The following MAP7 variants were observed in gnomAD, a reference collection of about 807,000 sequenced individuals.
The protein encoded by MAP7 is ensconsin.
A neutral mutation model predicts 94.8 loss-of-function variants in MAP7; 52 were observed. That is an observed-to-expected ratio of 0.55 (90% CI 0.44 to 0.69). The LOEUF is 0.69. MAP7 is among the 30% of genes least tolerant of loss of function. The pLI, the probability that MAP7 is intolerant of heterozygous loss-of-function variation, is 0.00. For synonymous variants in MAP7, 350 were observed against 357.0 expected, an observed-to-expected ratio of 0.98 and a Z score of 0.22; for missense variants, 940 against 964.6, an observed-to-expected ratio of 0.97 and a Z score of 0.34.
chr6:136,394,609 T>C (rs1357350064), intron 3 of MAP7, among the ~76,000 whole-genome samples: 1 of 152,006 alleles, frequency 6.6e-6, no homozygotes, highest in Non-Finnish European at 1.5e-5. Flanking sequence ...AGATATATCA[T>C]ATATGTAATA....
intron 1 of MAP7, among the ~76,000 whole-genome samples, chr6:136,458,931 C>T (rs1243132770): frequency 1.3e-5 from 2 of 151,932 alleles, no homozygotes; most frequent in East Asian, 3.8e-4. Flanking sequence ...GGCTTCTGCA[C>T]AGCAAAGAAA....
At chr6:136,459,513 T>C (rs1352197450) in intron 1 of MAP7, among the ~76,000 whole-genome samples, 1 of 152,170 alleles carries the variant, frequency 6.6e-6, no homozygotes, top group Non-Finnish European at 1.5e-5. Flanking sequence ...AAATTAATTG[T>C]TCATCTACAA....
intron 1 of MAP7, among the ~76,000 whole-genome samples, chr6:136,461,217 C>T (rs1052973788): frequency 3.9e-5 from 6 of 152,124 alleles, no homozygotes; most frequent in African/African-American, 1.2e-4. Context: ...AAAGAAACAG[C>T]TTTTGCTTAG....
intron 1 of MAP7, among the ~76,000 whole-genome samples, chr6:136,490,071 CA>C (rs1816094948): frequency 6.6e-6 from 1 of 152,144 alleles, no homozygotes; most frequent in Admixed American, 6.5e-5. Context: ...TGAAAAGTCA[CA>C]ATGAAATGCT....
At chr6:136,448,075 C>T (rs1236358991) in intron 1 of MAP7, among the ~76,000 whole-genome samples, 14 of 152,156 alleles carry the variant, frequency 9.2e-5, no homozygotes. Context: ...GCCTGTAATC[C>T]CAGCTATTTA....
chr6:136,504,899 CA>C (rs1453331829), intron 1 of MAP7, among the ~76,000 whole-genome samples: 5 of 150,782 alleles, frequency 3.3e-5, no homozygotes, highest in African/African-American at 1.2e-4. Flanking sequence ...AGTCTGGTCT[CA>C]AAATACTGAC....
intron 7 of MAP7, among the ~76,000 whole-genome samples, chr6:136,377,170 C>T (rs139828039): frequency 6.6e-6 from 1 of 152,298 alleles, no homozygotes; most frequent in African/African-American, 2.4e-5. Context: ...TATAACCAAT[C>T]ATCATAACTG....
intron 1 of MAP7, among the ~76,000 whole-genome samples, chr6:136,462,472 CTT>C (rs1307887879): frequency 1.3e-5 from 2 of 152,150 alleles, no homozygotes; most frequent in African/African-American, 4.8e-5. Flanking sequence ...TTGAGCAACT[CTT>C]TGCCTGGACA....
chr6:136,533,331 C>T (rs943071274), intron 1 of MAP7, among the ~76,000 whole-genome samples: 1 of 152,094 alleles, frequency 6.6e-6, no homozygotes, highest in South Asian at 2.1e-4. Context: ...CCTCAATGAG[C>T]CAATTTGTTA....
At chr6:136,367,818 C>A (rs150518612) in intron 8 of MAP7, among the ~76,000 whole-genome samples, 227 of 152,214 alleles carry the variant, frequency 1.5e-3, no homozygotes, top group African/African-American at 4.2e-3. Context: ...GGCTGGTGTA[C>A]AGGGTGGCAT....
intron 8 of MAP7, among the ~76,000 whole-genome samples, chr6:136,369,196 C>A (rs1450624635): frequency 6.6e-6 from 1 of 152,182 alleles, no homozygotes; most frequent in Non-Finnish European, 1.5e-5. Flanking sequence ...CATTTTGGAG[C>A]ATTCTGTATT....
At chr6:136,519,746 G>A (rs1357664170) in intron 1 of MAP7, among the ~76,000 whole-genome samples, 1 of 152,176 alleles carries the variant, frequency 6.6e-6, no homozygotes, top group Non-Finnish European at 1.5e-5. Flanking sequence ...CCGATCTCAA[G>A]GAGAAGTTGT....
At chr6:136,346,189 T>G in intron 16 of MAP7, 110 bp from the exon 17 acceptor site, 1 of 650,914 alleles carries the variant, frequency 1.5e-6, no homozygotes, top group East Asian at 2.8e-5. Context: ...AATCTACAAT[T>G]AAAAAAATCA....
chr6:136,409,398 A>G (rs1240927973), intron 3 of MAP7, among the ~76,000 whole-genome samples: 8 of 152,010 alleles, frequency 5.3e-5, no homozygotes, highest in African/African-American at 1.5e-4. Context: ...TTTCAGAGAA[A>G]GAGAGAGAGA....
chr6:136,397,173 A>G (rs1228430414), intron 3 of MAP7, among the ~76,000 whole-genome samples: 7 of 152,224 alleles, frequency 4.6e-5, no homozygotes, highest in Non-Finnish European at 2.9e-5. Context: ...TTATTGCTAA[A>G]TATAGGTCAT....
intron 16 of MAP7, among the ~76,000 whole-genome samples, chr6:136,353,163 T>TA (rs1789714366): frequency 6.6e-6 from 1 of 152,154 alleles, no homozygotes; most frequent in Non-Finnish European, 1.5e-5. Flanking sequence ...CCAGGTAACT[T>TA]AAAAAAATAA....
chr6:136,433,134 G>GA lies in MAP7; in HGVS notation c.68-11336dup, dbSNP rs200659474. Among the ~76,000 whole-genome samples the GA allele has an allele frequency of 4.7e-3, 716 of 151,854 alleles. 6 individuals are homozygous for GA. The highest frequency in any genetic ancestry group is 0.016 in the African/African-American group (644 of 41,410). On this transcript the variant is annotated intron_variant, in intron 1 of 17. Coordinates refer to ENST00000354570, the MANE Select transcript of MAP7 (RefSeq NM_003980.6). ...AAAAGCCTTTCCCTTCTTCCTTTCT[G>GA]AAAAAAAACTATGTATAAATATATG...
intron 5 of MAP7, among the ~76,000 whole-genome samples, chr6:136,385,670 A>G (rs1779004368): frequency 6.6e-6 from 1 of 152,250 alleles, no homozygotes. Context: ...TTATGGAGGC[A>G]CACCATGAAT....
At chr6:136,507,757 G>A (rs1397429055) in intron 1 of MAP7, among the ~76,000 whole-genome samples, 1 of 152,170 alleles carries the variant, frequency 6.6e-6, no homozygotes, top group African/African-American at 2.4e-5. Context: ...CTATGAGATA[G>A]GTGTCACTAC....
Sources: gnomAD v4.1 joint callset for allele counts (sites outside exome capture counted in the v4.1 genomes callset) on GRCh38, gnomAD v4.1.1 for gene constraint, MANE v1.5 for transcripts, NCBI Gene and HGNC (gene_info 2026-07-23, HGNC 2026-07-21) for gene names.